MINDY4: variants seen among roughly 807,000 people sequenced by gnomAD.
MINDY4 encodes MINDY lysine 48 deubiquitinase 4.
MINDY4 carries 68 observed loss-of-function variants against 87.0 expected under a neutral mutation model. The observed-to-expected ratio is 0.78, with a 90% CI of 0.64 to 0.96. The LOEUF (loss-of-function observed/expected upper bound fraction) is 0.96. Among genes scored for constraint, MINDY4 ranks in the 40% least tolerant of loss-of-function variants. The pLI is 0.00. For synonymous variants in MINDY4, 379 were observed against 363.2 expected (o/e 1.04, Z -0.50); for missense variants, 919 against 928.2 (o/e 0.99, Z 0.13).
chr7:30,877,609 C>T (rs1334235914), intron 15 of MINDY4, among the ~76,000 whole-genome samples: 2 of 152,020 alleles, frequency 1.3e-5, no homozygotes, highest in African/African-American at 2.4e-5. Flanking sequence ...GGCCTCAACC[C>T]CTGCCTTCCA....
At chr7:30,798,718 T>C (rs1192973826) in intron 5 of MINDY4, among the ~76,000 whole-genome samples, 1 of 152,220 alleles carries the variant, frequency 6.6e-6, no homozygotes, top group Non-Finnish European at 1.5e-5. Flanking sequence ...CAGGATGGTC[T>C]CAATCTCTTG....
chr7:30,834,987 C>T (rs139580851), intron 6 of MINDY4, among the ~76,000 whole-genome samples: 2 of 152,326 alleles, frequency 1.3e-5, no homozygotes, highest in East Asian at 3.9e-4. Context: ...CAAACTTTCC[C>T]ACATTTTCCT....
At chr7:30,884,109 G>A (rs1432382235) in intron 17 of MINDY4, among the ~76,000 whole-genome samples, 1 of 152,092 alleles carries the variant, frequency 6.6e-6, no homozygotes, top group Non-Finnish European at 1.5e-5. Context: ...ATGCAAAATG[G>A]TGAGGCCCTG....
chr7:30,820,994 CTA>C (rs1224729938), intron 5 of MINDY4, among the ~76,000 whole-genome samples: 1 of 152,074 alleles, frequency 6.6e-6, no homozygotes, highest in African/African-American at 2.4e-5. Context: ...AAATTATACA[CTA>C]TGTTTTTATT....
At chr7:30,822,888 C>A (rs1788386182) in intron 5 of MINDY4, among the ~76,000 whole-genome samples, 1 of 151,960 alleles carries the variant, frequency 6.6e-6, no homozygotes, top group Non-Finnish European at 1.5e-5. Flanking sequence ...AAGCAGTCGG[C>A]CCACCTTGGC....
intron 5 of MINDY4, among the ~76,000 whole-genome samples, chr7:30,810,174 C>CA (rs58498956): frequency 0.095 from 6,299 of 66,468 alleles, 824 homozygotes; most frequent in African/African-American, 0.22. Flanking sequence ...GACTCTGTTT[C>CA]AAAAAAAAAA....
At chr7:30,792,998 G>A (rs760473627) in intron 5 of MINDY4, among the ~76,000 whole-genome samples, 2 of 148,324 alleles carry the variant, frequency 1.3e-5, no homozygotes, top group African/African-American at 2.5e-5. Context: ...AAGTTAATAC[G>A]TTACATATTC....
At chr7:30,882,415 G>C in intron 16 of MINDY4, 54 bp downstream of exon 16, 9 of 1,268,770 alleles carry the variant, frequency 7.1e-6, no homozygotes, top group Non-Finnish European at 9.0e-6. Flanking sequence ...GAGCCTCCAG[G>C]CTGGTCACAG....
Position 30,779,257 on chromosome 7 carries a change from A to T in MINDY4, c.183+706A>T, listed in dbSNP as rs567369251. On this transcript the variant is annotated intron_variant, in intron 2 of 17. Transcript: ENST00000265299. ...TGGACACAGCAGAAGCCAGAAATGC[A>T]GTCTTTTTTGTTCACTATTTTATCC... Among the ~76,000 whole-genome samples the T allele has an allele frequency of 2.0e-5, 3 of 152,370 alleles. No individual in the cohort carries two copies. The East Asian group carries it at 5.8e-4, about 29-fold the overall frequency.
At chr7:30,861,451 A>T (rs751993032) in intron 13 of MINDY4, among the ~76,000 whole-genome samples, 2 of 152,214 alleles carry the variant, frequency 1.3e-5, no homozygotes, top group Non-Finnish European at 2.9e-5. Context: ...GAGGGAGGTG[A>T]GTAGGCTTCA....
At chr7:30,845,023 C>A (rs890358501) in intron 9 of MINDY4, among the ~76,000 whole-genome samples, 1 of 152,192 alleles carries the variant, frequency 6.6e-6, no homozygotes. Flanking sequence ...TCACATCTGG[C>A]ATCCCTGGCA....
chr7:30,787,261 A>G (rs1787184325), intron 4 of MINDY4, among the ~76,000 whole-genome samples: 1 of 152,214 alleles, frequency 6.6e-6, no homozygotes, highest in Admixed American at 6.5e-5. Flanking sequence ...GCCACTGTGT[A>G]GTTCAGGCCA....
At chr7:30,798,692 G>T (rs533172713) in intron 5 of MINDY4, among the ~76,000 whole-genome samples, 1 of 152,238 alleles carries the variant, frequency 6.6e-6, no homozygotes, top group South Asian at 2.1e-4. Context: ...TAGAGACGGG[G>T]TTTCACCATG....
At chr7:30,855,403 G>A (rs1267972278) in intron 12 of MINDY4, among the ~76,000 whole-genome samples, 1 of 152,240 alleles carries the variant, frequency 6.6e-6, no homozygotes, top group East Asian at 1.9e-4. Flanking sequence ...GGCGAGCAGA[G>A]CCTGATGGCA....
intron 7 of MINDY4, among the ~76,000 whole-genome samples, chr7:30,838,930 G>C (rs763772665): frequency 6.6e-6 from 1 of 152,208 alleles, no homozygotes; most frequent in Non-Finnish European, 1.5e-5. Flanking sequence ...CAAGGCCCCT[G>C]TAAGGAGCTT....
At chr7:30,848,081 A>G (rs1409919178) in intron 9 of MINDY4, among the ~76,000 whole-genome samples, 1 of 152,242 alleles carries the variant, frequency 6.6e-6, no homozygotes, top group Non-Finnish European at 1.5e-5. Flanking sequence ...AGAAGCTTCC[A>G]ACTGAGAATT....
At chr7:30,859,407 C>T in intron 13 of MINDY4, 83 bp downstream of exon 13, 1 of 1,302,338 alleles carries the variant, frequency 7.7e-7, no homozygotes, top group East Asian at 2.3e-5. Context: ...CAGGATGGTG[C>T]TTGGCACATG....
intron 7 of MINDY4, among the ~76,000 whole-genome samples, chr7:30,837,211 G>A (rs1788883459): frequency 6.6e-6 from 1 of 151,948 alleles, no homozygotes; most frequent in Non-Finnish European, 1.5e-5. Flanking sequence ...CCACTTAAAG[G>A]GCCCCGTGGT....
intron 5 of MINDY4, among the ~76,000 whole-genome samples, chr7:30,798,742 C>T (rs1787565803): frequency 6.6e-6 from 1 of 152,158 alleles, no homozygotes; most frequent in African/African-American, 2.4e-5. Context: ...TTGTGATCCG[C>T]CCGCCTCGGC....
Sources: allele counts gnomAD v4.1 joint callset (sites outside exome capture counted in the v4.1 genomes callset), GRCh38; gene constraint gnomAD v4.1.1; transcripts MANE v1.5; gene names NCBI Gene and HGNC (gene_info 2026-07-23, HGNC 2026-07-21).